TRIM24: variants seen among roughly 807,000 people sequenced by gnomAD.
The protein encoded by TRIM24 is tripartite motif containing 24, also known as transcription intermediary factor 1-alpha.
In TRIM24, 29 loss-of-function variants were observed where a neutral mutation model predicts 123.9. That is an observed-to-expected ratio of 0.23 (90% CI 0.17 to 0.32). The LOEUF (loss-of-function observed/expected upper bound fraction) is 0.32. Among genes scored for constraint, TRIM24 ranks in the 10% least tolerant of loss-of-function variants. TRIM24 has a pLI of 1.00. For synonymous variants in TRIM24, 456 were observed against 461.1 expected, an observed-to-expected ratio of 0.99 and a Z score of 0.14; for missense variants, 932 against 1,295.3, an observed-to-expected ratio of 0.72 and a Z score of 4.31.
chr7:138,584,710 T>C, intron 18 of TRIM24, 32 bp from the exon 19 acceptor site: 1 of 1,518,224 alleles, frequency 6.6e-7, no homozygotes, highest in Non-Finnish European at 8.8e-7. Context: ...AAGTGTGTCC[T>C]TTTTTTACTC....
intron 1 of TRIM24, chr7:138,490,745 A>G (rs1657363338): frequency 4.0e-6 from 2 of 494,230 alleles, no homozygotes; most frequent in South Asian, 1.5e-5. Context: ...TGAAAACATC[A>G]TGGAGAGGAG....
intron 9 of TRIM24, among the ~76,000 whole-genome samples, chr7:138,557,601 G>T (rs928632224): frequency 6.6e-6 from 1 of 152,174 alleles, no homozygotes; most frequent in Non-Finnish European, 1.5e-5. Context: ...TCCTTTCTAA[G>T]TCTGGGCTGG....
intron 11 of TRIM24, among the ~76,000 whole-genome samples, chr7:138,571,982 G>A (rs886861837): frequency 6.6e-6 from 1 of 152,050 alleles, no homozygotes; most frequent in Non-Finnish European, 1.5e-5. Context: ...ACCTACTGTC[G>A]TGCACATATA....
intron 7 of TRIM24, among the ~76,000 whole-genome samples, chr7:138,542,419 T>C (rs1797023240): frequency 6.6e-6 from 1 of 152,200 alleles, no homozygotes; most frequent in South Asian, 2.1e-4. Context: ...GAATATACTA[T>C]TTATGTTTGC....
rs1007247243 is a variant in TRIM24, at chr7:138,589,829, A to G, written c.*4878A>G. On this transcript the variant is annotated 3_prime_UTR_variant, in exon 19 of 19. Transcript: ENST00000343526. Reference sequence around the variant, plus strand: ...AAGGTTTTGATTCTTGTAATTTCTGAGAATTACTATGTTTTAAATTTACTA... The same window carrying G: ...AAGGTTTTGATTCTTGTAATTTCTGGGAATTACTATGTTTTAAATTTACTA... 1.3e-5 allele frequency: 2 copies of G among 152,168 alleles called. No individual in the cohort carries two copies. The highest frequency in any genetic ancestry group is 2.9e-5 in the Non-Finnish European group (2 of 68,030). 9.4% of individuals were successfully genotyped at this position (152,168 alleles called of 1,614,324 possible).
At chr7:138,535,848 T>C (rs1246680409) in intron 6 of TRIM24, among the ~76,000 whole-genome samples, 1 of 152,156 alleles carries the variant, frequency 6.6e-6, no homozygotes, top group Non-Finnish European at 1.5e-5. Flanking sequence ...CACTTTCAGG[T>C]ACACCAATCA....
intron 1 of TRIM24, among the ~76,000 whole-genome samples, chr7:138,476,012 A>T (rs1795388765): frequency 6.6e-6 from 1 of 152,178 alleles, no homozygotes; most frequent in Non-Finnish European, 1.5e-5. Flanking sequence ...TAATGAAGAT[A>T]CGTTATTGGG....
chr7:138,584,051 T>C (rs781316060), intron 18 of TRIM24, 52 bp downstream of exon 18: 5 of 1,549,624 alleles, frequency 3.2e-6, no homozygotes, highest in African/African-American at 1.4e-5. Context: ...GTGAAAATCA[T>C]TTTATTACTA....
Position 138,581,717 on chromosome 7 carries a change from A to C in TRIM24, c.2739A>C (p.Leu913Phe). The C allele has an allele frequency of 6.2e-7, 1 of 1,612,636 alleles. No individual in the cohort carries two copies. The highest frequency in any genetic ancestry group is 8.5e-7 in the Non-Finnish European group (1 of 1,179,452). ...IDKRKCERLLLFLYCHEMSLA... is the reference protein window; with the variant it reads ...IDKRKCERLLFFLYCHEMSLA... Reference sequence around the variant, plus strand: ...CTTAGAAGTGTGAGCGCCTACTTTTATTTCTTTACTGCCATGAAATGAGCC... The same window carrying C: ...CTTAGAAGTGTGAGCGCCTACTTTTCTTTCTTTACTGCCATGAAATGAGCC... The change falls in exon 17 of 19, where the codon TTA becomes TTC. Residue 913 changes from leucine (L) to phenylalanine (F), a missense_variant. This residue lies in a region of TRIM24 where 16 missense variants were observed against 46.5 expected (regional missense o/e 0.34). Transcript: ENST00000343526.
intron 3 of TRIM24, among the ~76,000 whole-genome samples, chr7:138,517,105 CAA>C (rs72395393): frequency 4.6e-5 from 6 of 130,324 alleles, no homozygotes; most frequent in Admixed American, 7.7e-5. Flanking sequence ...ATCCTGTCTC[CAA>C]AAAAAAAAAA....
chr7:138,579,320 A>ACTT lies in TRIM24; in HGVS notation c.2375_2377dup (p.Leu792dup). On this transcript the variant is annotated inframe_insertion, in exon 15 of 19. Coordinates refer to ENST00000343526, the MANE Select transcript of TRIM24 (RefSeq NM_015905.3). ...CTGATAGTACAGGAGATCAACCTGG[A>ACTT]CTTCACCAGGACAATTCCTCAAATG... The ACTT allele has an allele frequency of 6.2e-7, 1 of 1,614,172 alleles. No individual in the cohort carries two copies.
In TRIM24 at chr7:138,584,904, C is replaced by T; in HGVS notation, c.3106C>T (p.Arg1036Trp). The change falls in exon 19 of 19, where the codon CGG (arginine) becomes TGG (tryptophan). Residue 1036 changes from arginine to tryptophan, a missense_variant. By Grantham distance (101) the Arg-to-Trp change is moderately radical. Around this residue, in one of 7 missense-constraint regions of TRIM24, gnomAD observed 104 missense variants for 121.5 expected, o/e 0.86. Coordinates refer to ENST00000343526, the MANE Select transcript of TRIM24 (RefSeq NM_015905.3). ...DDSDDDFVQP[R>W]KKRLKSIEER... Reference sequence around the variant, plus strand: ...TTCAGATGATGACTTTGTACAGCCCCGGAAGAAACGCCTCAAAAGCATTGA... The same window carrying T: ...TTCAGATGATGACTTTGTACAGCCCTGGAAGAAACGCCTCAAAAGCATTGA... The T allele has an allele frequency of 5.0e-6, 8 of 1,613,182 alleles. No individual in the cohort carries two copies. The highest frequency in any genetic ancestry group is 2.2e-5 in the South Asian group (2 of 90,710).
chr7:138,515,286 G>C lies in TRIM24; in HGVS notation c.558G>C (p.Thr186=). The change falls in exon 3 of 19, where the codon ACG becomes ACC. Residue 186 remains threonine (T), a synonymous_variant. Transcript: ENST00000343526. ...CVECVEWLCK[T]CIRAHQRVKF... is the part of the protein sequence containing the mutation. ...AGTGTGTTGAATGGCTCTGCAAGAC[G>C]TGTATCAGAGCTCATCAGAGGGTAA... 6.2e-7 allele frequency: 1 copy of C among 1,614,064 alleles called. No homozygotes were observed. The highest frequency in any genetic ancestry group is 1.7e-5 in the Admixed American group (1 of 60,034).
rs184144827 is a variant in TRIM24, at chr7:138,519,805, A to C, written c.764+484A>C. Among the ~76,000 whole-genome samples the C allele has an allele frequency of 4.6e-5, 7 of 152,246 alleles. No individual in the cohort carries two copies. In the East Asian group the frequency reaches 9.7e-4, roughly 21 times the overall value. The stretch of plus-strand genomic sequence containing the variant: ...TTCTAGCCCTGGGTCTGTATACTTC[A>C]TGTCAACATTTGAGGCATGCCTTTT... On this transcript the variant is annotated intron_variant, in intron 4 of 18. Coordinates refer to ENST00000343526, the MANE Select transcript of TRIM24 (RefSeq NM_015905.3).
chr7:138,511,981 AT>A lies in TRIM24; in HGVS notation c.484-3229del, dbSNP rs201383004. Among the ~76,000 whole-genome samples, 1,236 of 152,348 alleles carry A rather than the reference AT, an allele frequency of 8.1e-3. 17 individuals carry two copies. Among genetic ancestry groups the A allele is most frequent in the South Asian group, 0.045 (215 of 4,826 alleles). On this transcript the variant is annotated intron_variant, in intron 2 of 18. Transcript: ENST00000343526. ...TCCAAGATACAATGTAGGTACAGGC[AT>A]TGGGTAAATACTCCCATTCCAAAAT...
chr7:138,584,382 A>T (rs1797969228), intron 18 of TRIM24, among the ~76,000 whole-genome samples: 1 of 152,132 alleles, frequency 6.6e-6, no homozygotes, highest in African/African-American at 2.4e-5. Flanking sequence ...CAGACTTAGA[A>T]CCTTTTGCTG....
At position 138,589,749 on chromosome 7, in the gene TRIM24, C is replaced by A. The variant is rs1798074318; in HGVS notation, c.*4798C>A. Reference sequence around the variant, plus strand: ...AGGGGGGAAAGACACAGAGTGGGGACCTTTGGAAGTCATTTTAAAAATTTA... The same window carrying A: ...AGGGGGGAAAGACACAGAGTGGGGAACTTTGGAAGTCATTTTAAAAATTTA... On this transcript the variant is annotated 3_prime_UTR_variant, in exon 19 of 19. Coordinates refer to ENST00000343526, the MANE Select transcript of TRIM24 (RefSeq NM_015905.3). The A allele has an allele frequency of 6.6e-6, 1 of 151,992 alleles. No individual in the cohort carries two copies. Among genetic ancestry groups the A allele is most frequent in the Non-Finnish European group, 1.5e-5 (1 of 68,002 alleles). 9.4% of individuals were successfully genotyped at this position (151,992 alleles called of 1,614,324 possible).
At chr7:138,492,207 G>A (rs1244786785) in intron 1 of TRIM24, among the ~76,000 whole-genome samples, 1 of 146,560 alleles carries the variant, frequency 6.8e-6, no homozygotes, top group Non-Finnish European at 1.5e-5. Flanking sequence ...AGGAGGTGGA[G>A]GCTGCAGTGA....
chr7:138,546,588 T>C (rs951510431), intron 7 of TRIM24, among the ~76,000 whole-genome samples: 1 of 152,188 alleles, frequency 6.6e-6, no homozygotes, highest in Non-Finnish European at 1.5e-5. Context: ...TAGCTTGCTC[T>C]CAAAAGTTTT....
Sources: allele counts gnomAD v4.1 joint callset (sites outside exome capture counted in the v4.1 genomes callset), GRCh38; gene constraint gnomAD v4.1.1; regional missense constraint gnomAD v4.1.1; transcripts MANE v1.5; gene names NCBI Gene and HGNC (gene_info 2026-07-23, HGNC 2026-07-21).